RGS22: variants seen among roughly 807,000 people sequenced by gnomAD.
The protein encoded by RGS22 is regulator of G-protein signaling 22.
Under a neutral mutation model 172.9 loss-of-function variants are expected in RGS22, and 148 were observed. The ratio of observed to expected loss-of-function variants is 0.86; its 90% CI spans 0.75 to 0.98. RGS22 has a LOEUF of 0.98. RGS22 is among the 50% of genes least tolerant of loss of function. The pLI is 0.00. For missense variants in RGS22, 1,347 were observed against 1,440.8 expected, an observed-to-expected ratio of 0.93 and a Z score of 1.05; for synonymous variants, 458 against 480.2, an observed-to-expected ratio of 0.95 and a Z score of 0.60.
Position 100,101,443 on chromosome 8 carries a change from A to ATT in RGS22, c.54+3929_54+3930dup, listed in dbSNP as rs57644659. On this transcript the variant is annotated intron_variant, in intron 2 of 27. Coordinates refer to ENST00000360863, the MANE Select transcript of RGS22 (RefSeq NM_015668.5). ...CTGGGACTACAGGCATGCCCAGCTA[A>ATT]TTTTTTTTTTTTTTTTTTTTTTGGT... 3.9e-3 allele frequency among the ~76,000 whole-genome samples: 450 copies of ATT among 116,722 alleles called. 1 individual carries two copies. The highest frequency in any genetic ancestry group is 0.014 in the African/African-American group (416 of 29,876). The allele number at this position is 116,722 out of a possible 152,430, so 76.6% of individuals were successfully genotyped here.
chr8:100,032,693 C>T (rs1350823765), intron 14 of RGS22, among the ~76,000 whole-genome samples: 1 of 152,154 alleles, frequency 6.6e-6, no homozygotes, highest in African/African-American at 2.4e-5. Flanking sequence ...GAACTCTCCA[C>T]CCCAAATCAA....
At chr8:100,051,541 A>G (rs1415837381) in intron 10 of RGS22, among the ~76,000 whole-genome samples, 2 of 72,016 alleles carry the variant, frequency 2.8e-5, no homozygotes, top group African/African-American at 1.2e-4. Context: ...ATACATATAT[A>G]TTTATACATG....
intron 14 of RGS22, among the ~76,000 whole-genome samples, chr8:100,010,899 A>T (rs1376555640): frequency 1.3e-5 from 2 of 151,308 alleles, no homozygotes; most frequent in African/African-American, 4.9e-5. Context: ...CCACCTTGAC[A>T]TCCCAAAGAG....
rs143489228 is a variant in RGS22 at position 99,975,233 on chromosome 8, A to C, written c.3519+2684T>G. On this transcript the variant is annotated intron_variant, in intron 23 of 27. Transcript: ENST00000360863. ...AAAATAATAGTAATAATATATTGGT[A>C]TTAGATTAGAAACTTGTAATATTAA... Among the ~76,000 whole-genome samples the C allele has an allele frequency of 3.8e-3, 576 of 152,188 alleles. 4 individuals are homozygous for C. The highest frequency in any genetic ancestry group is 0.013 in the African/African-American group (552 of 41,524).
At position 100,005,990 on chromosome 8, in the gene RGS22, G is replaced by A. The variant is rs767865154; in HGVS notation, c.2454+27C>T. The A allele has an allele frequency of 3.1e-6, 5 of 1,592,136 alleles. 1 individual carries two copies. The South Asian group carries it at 3.3e-5, about 11-fold the overall frequency. ...TAACCCTCTCCAGGATAAAAAGTTTGTTTTTCTAAGTAGAAAGTTGCCTTA... is the reference window on the plus strand; with the variant it reads ...TAACCCTCTCCAGGATAAAAAGTTTATTTTTCTAAGTAGAAAGTTGCCTTA... On this transcript the variant is annotated intron_variant, in intron 16 of 27. Coordinates refer to ENST00000360863, the MANE Select transcript of RGS22 (RefSeq NM_015668.5).
intron 23 of RGS22, among the ~76,000 whole-genome samples, chr8:99,974,650 T>C (rs752211374): frequency 7.3e-5 from 11 of 150,706 alleles, no homozygotes; most frequent in Non-Finnish European, 1.3e-4. Flanking sequence ...ATACAAAAAT[T>C]AGCCAGGTGT....
At chr8:99,993,744 A>T (rs1814024908) in intron 20 of RGS22, among the ~76,000 whole-genome samples, 1 of 152,182 alleles carries the variant, frequency 6.6e-6, no homozygotes, top group South Asian at 2.1e-4. Context: ...AAAAAGAGGG[A>T]ATCCTTCCTA....
intron 14 of RGS22, among the ~76,000 whole-genome samples, chr8:100,026,473 A>G (rs1033566396): frequency 6.6e-6 from 1 of 152,228 alleles, no homozygotes; most frequent in Admixed American, 6.5e-5. Flanking sequence ...TACAAGAGTA[A>G]ACAGGCAACA....
intron 4 of RGS22, among the ~76,000 whole-genome samples, chr8:100,075,621 C>T (rs1357839717): frequency 2.6e-5 from 4 of 152,178 alleles, no homozygotes; most frequent in Non-Finnish European, 5.9e-5. Flanking sequence ...GGAATTCTCA[C>T]CAATGAGAAT....
chr8:100,051,288 A>G (rs2131668965), intron 10 of RGS22, among the ~76,000 whole-genome samples: 1 of 150,944 alleles, frequency 6.6e-6, no homozygotes, highest in South Asian at 2.1e-4. Flanking sequence ...TCAGAGGGTT[A>G]GCAGGAGCTT....
intron 14 of RGS22, among the ~76,000 whole-genome samples, chr8:100,037,740 CAG>C (rs1350370590): frequency 2.0e-5 from 3 of 152,124 alleles, no homozygotes; most frequent in Non-Finnish European, 4.4e-5. Context: ...CTTGAACAGA[CAG>C]GGGCAATAGT....
intron 14 of RGS22, among the ~76,000 whole-genome samples, chr8:100,022,540 GA>G (rs1411859436): frequency 2.6e-5 from 4 of 151,472 alleles, no homozygotes; most frequent in Non-Finnish European, 4.4e-5. Context: ...CAAGCACACA[GA>G]AAAAAAAGTT....
intron 3 of RGS22, among the ~76,000 whole-genome samples, chr8:100,081,700 T>C (rs1223132609): frequency 6.6e-6 from 1 of 152,050 alleles, no homozygotes; most frequent in Non-Finnish European, 1.5e-5. Flanking sequence ...ATGCTATCAC[T>C]TAACTAAAGA....
chr8:100,039,015 C>T lies in RGS22; in HGVS notation c.2082G>A (p.Val694=), dbSNP rs756878787. Residue 694 remains valine, a synonymous_variant, in exon 14 of 28, where the codon GTG becomes GTA. Coordinates refer to ENST00000360863, the MANE Select transcript of RGS22 (RefSeq NM_015668.5). ...AAGCCTGCAGGTCAAACCAAAAGTACACACTGTTCTTCCACAACTACAGAT... is the reference window on the plus strand; with the variant it reads ...AAGCCTGCAGGTCAAACCAAAAGTATACACTGTTCTTCCACAACTACAGAT... ...HSGNKLWKNS[V]YFWFDLQAYH... 6.2e-7 allele frequency: 1 copy of T among 1,605,938 alleles called. No homozygotes were observed. Among genetic ancestry groups the T allele is most frequent in the Non-Finnish European group, 8.5e-7 (1 of 1,174,454 alleles).
At chr8:99,996,278 G>C (rs1386985161) in intron 20 of RGS22, among the ~76,000 whole-genome samples, 184 bp downstream of exon 20, 1 of 151,962 alleles carries the variant, frequency 6.6e-6, no homozygotes, top group Non-Finnish European at 1.5e-5. Flanking sequence ...AAAGAACAGA[G>C]TTCTGATAGA....
intron 8 of RGS22, 40 bp from the exon 9 acceptor site, chr8:100,062,792 G>A: frequency 6.8e-7 from 1 of 1,474,062 alleles, no homozygotes; most frequent in Non-Finnish European, 9.3e-7. Flanking sequence ...CACACACATT[G>A]GTAGAATATT....
chr8:99,971,606 T>C (rs1421722843), intron 23 of RGS22, among the ~76,000 whole-genome samples: 2 of 152,164 alleles, frequency 1.3e-5, no homozygotes, highest in African/African-American at 2.4e-5. Flanking sequence ...AGCCAAATCA[T>C]GAGTGAACTC....
At chr8:100,047,120 C>T (rs774624056) in intron 11 of RGS22, among the ~76,000 whole-genome samples, 25 of 152,024 alleles carry the variant, frequency 1.6e-4, no homozygotes, top group Non-Finnish European at 3.1e-4. Context: ...TGGTCAGTAA[C>T]AATATTCTTG....
At chr8:100,009,506 C>T (rs1023225641) in intron 14 of RGS22, among the ~76,000 whole-genome samples, 3 of 151,008 alleles carry the variant, frequency 2.0e-5, no homozygotes, top group African/African-American at 7.3e-5. Context: ...CTGTTCCATT[C>T]TACTAATTGT....
Sources: allele counts gnomAD v4.1 joint callset (sites outside exome capture counted in the v4.1 genomes callset), GRCh38; gene constraint gnomAD v4.1.1; transcripts MANE v1.5; gene names NCBI Gene and HGNC (gene_info 2026-07-23, HGNC 2026-07-21).